TTC14: variants seen among roughly 807,000 people sequenced by gnomAD.
TTC14 encodes the protein tetratricopeptide repeat protein 14.
Under a neutral mutation model 79.9 loss-of-function variants are expected in TTC14, and 63 were observed. The observed-to-expected ratio is 0.79, with a 90% CI of 0.64 to 0.97. The LOEUF (loss-of-function observed/expected upper bound fraction) is 0.97, where lower values mean the gene tolerates loss of function less well. Ranked by LOEUF, TTC14 falls within the 50% of genes least tolerant of loss-of-function variation. The pLI, the probability that TTC14 is intolerant of heterozygous loss-of-function variation, is 0.00. For missense variants in TTC14, 895 were observed against 894.0 expected, an observed-to-expected ratio of 1.00 and a Z score of -0.01; for synonymous variants, 335 against 309.6, an observed-to-expected ratio of 1.08 and a Z score of -0.86.
rs1716775732 is a variant in TTC14 at position 180,607,784 on chromosome 3, T to C, written c.1290+19T>C. 6.3e-7 allele frequency: 1 copy of C among 1,599,370 alleles called. No individual in the cohort carries two copies. The highest frequency in any genetic ancestry group is 1.4e-5 in the African/African-American group (1 of 74,018). On this transcript the variant is annotated intron_variant, in intron 10 of 11. Transcript: ENST00000296015. Reference sequence around the variant, plus strand: ...TATGCAGGTGATTCCTTATTTCCTCTTAGAAATTTAGTGATATTTGAAATA... The same window carrying C: ...TATGCAGGTGATTCCTTATTTCCTCCTAGAAATTTAGTGATATTTGAAATA...
chr3:180,608,508 A>G (rs1036179612), intron 10 of TTC14, 193 bp from the exon 11 acceptor site: 16 of 1,168,346 alleles, frequency 1.4e-5, no homozygotes, highest in Non-Finnish European at 1.6e-5. Context: ...TGTTCTGGCC[A>G]TTTCAATGAC....
chr3:180,615,180 T>A, downstream of TTC14: 3 of 801,182 alleles, frequency 3.7e-6, no homozygotes, highest in Non-Finnish European at 5.7e-6. Flanking sequence ...AGTAAAGACA[T>A]CAAAAAAGTA....
Position 180,603,125 on chromosome 3 carries a change from T to C in TTC14, c.288T>C (p.Asp96=). The C allele has an allele frequency of 6.2e-7, 1 of 1,611,926 alleles. No individual in the cohort carries two copies. The highest frequency in any genetic ancestry group is 8.5e-7 in the Non-Finnish European group (1 of 1,179,466). The part of the protein sequence containing the change: ...ATSEINEDSE[D]HYAIMPPLEQ... ...ATTTTGTTAATTTTTTTTTTTTAGA[T>C]CATTATGCAATCATGCCACCTTTAG... The change falls in exon 3 of 12, where the codon GAT becomes GAC. Residue 96 remains aspartate (D), a splice_region_variant and synonymous_variant. Transcript: ENST00000296015.
chr3:180,616,756 A>G (rs888688224), intron 12 of TTC14: 87 of 1,577,816 alleles, frequency 5.5e-5, no homozygotes, highest in Non-Finnish European at 6.2e-5. Flanking sequence ...AATATTTTTA[A>G]TAGATGAAGG....
At chr3:180,602,758 C>A in intron 1 of TTC14, 133 bp from the exon 2 acceptor site, 1 of 1,144,156 alleles carries the variant, frequency 8.7e-7, no homozygotes, top group Non-Finnish European at 1.2e-6. Flanking sequence ...CTAGTTAAAA[C>A]TTTTTGTCTG....
Position 180,610,298 on chromosome 3 carries a change from A to C in TTC14, c.2069A>C (p.His690Pro). 1 of 1,613,354 alleles carries C rather than the reference A, an allele frequency of 6.2e-7. No individual in the cohort carries two copies. Among genetic ancestry groups the C allele is most frequent in the Non-Finnish European group, 8.5e-7 (1 of 1,179,784 alleles). ...GTTGAGAAATACAAAAAATACGCTC[A>C]CTCTGGATCACGTGATTTCAGTAGA... Reference protein sequence around the residue: ...KSVEKYKKYAHSGSRDFSRHE... With the variant: ...KSVEKYKKYAPSGSRDFSRHE... The change falls in exon 12 of 12, where the codon CAC becomes CCC. Residue 690 changes from histidine (H) to proline (P), a missense_variant. Coordinates refer to ENST00000296015, the MANE Select transcript of TTC14 (RefSeq NM_133462.4).
chr3:180,608,869 T>A lies in TTC14; in HGVS notation c.1400+59T>A, dbSNP rs1716838171. The A allele has an allele frequency of 6.7e-6, 9 of 1,343,130 alleles. No individual in the cohort carries two copies. In the South Asian group the frequency reaches 1.7e-4, roughly 25 times the overall value. 83.2% of individuals were successfully genotyped at this position (1,343,130 alleles called of 1,614,324 possible). A position where few individuals can be genotyped will look rare whatever the true frequency, so the allele number is the denominator to read the frequency against. ...GGCAACTACTGAATTGAACCCAAAGTGCCATACTGGAGGTAAAGTAAATAA... is the reference window on the plus strand; with the variant it reads ...GGCAACTACTGAATTGAACCCAAAGAGCCATACTGGAGGTAAAGTAAATAA... On this transcript the variant is annotated intron_variant, in intron 11 of 11. Transcript: ENST00000296015.
intron 9 of TTC14, 137 bp from the exon 10 acceptor site, chr3:180,607,510 AT>A: frequency 7.8e-6 from 10 of 1,277,878 alleles, no homozygotes; most frequent in Non-Finnish European, 1.0e-5. Context: ...AAAGCATATT[AT>A]TTTGGTATTT....
chr3:180,616,438 C>T, intron 12 of TTC14: 1 of 1,503,708 alleles, frequency 6.7e-7, no homozygotes, highest in East Asian at 2.3e-5. Context: ...AATTAGCTTT[C>T]ACTTCATGAT....
Position 180,602,916 on chromosome 3 carries a change from G to A in TTC14, c.187G>A (p.Glu63Lys). 6.2e-7 allele frequency: 1 copy of A among 1,612,920 alleles called. No individual in the cohort carries two copies. The highest frequency in any genetic ancestry group is 1.1e-5 in the South Asian group (1 of 90,612). ...AAAAGAGAAGAGAGTTGACAACATC[G>A]AGATACAGAAATTCATCTCCAAAAA... The part of the protein sequence containing the change: ...GRKEKRVDNI[E>K]IQKFISKKAD... The change falls in exon 2 of 12, where the codon GAG (glutamate) becomes AAG (lysine). Residue 63 changes from glutamate (E) to lysine (K), a missense_variant. Coordinates refer to ENST00000296015, the MANE Select transcript of TTC14 (RefSeq NM_133462.4).
rs141044571 is a variant in TTC14 at position 180,602,606 on chromosome 3, G to A, written c.161+184G>A. The A allele has an allele frequency of 9.1e-3, 7,583 of 832,222 alleles. 118 individuals carry two copies. The highest frequency in any genetic ancestry group is 0.064 in the East Asian group (2,354 of 36,830). The allele number at this position is 832,222 out of a possible 1,614,324, so 51.6% of individuals were successfully genotyped here. On this transcript the variant is annotated intron_variant, in intron 1 of 11. Coordinates refer to ENST00000296015, the MANE Select transcript of TTC14 (RefSeq NM_133462.4). Reference sequence around the variant, plus strand: ...CCTGGGTTGTGCAATGCGGGATGCGGGCTGAACTTTTTCTCTGGCACTGCT... The same window carrying A: ...CCTGGGTTGTGCAATGCGGGATGCGAGCTGAACTTTTTCTCTGGCACTGCT...
chr3:180,617,340 TTATG>T (rs1302693680), intron 12 of TTC14: 1 of 509,028 alleles, frequency 2.0e-6, no homozygotes, highest in South Asian at 4.0e-5. Flanking sequence ...TATTACTGAT[TTATG>T]TATTTACTAT....
At chr3:180,614,610 G>A (rs935790189), downstream of TTC14, 3 of 243,240 alleles carry the variant, frequency 1.2e-5, no homozygotes, top group Non-Finnish European at 2.4e-5. Context: ...CATTAGAAGT[G>A]AGTGTAGTTT....
downstream of TTC14, among the ~76,000 whole-genome samples, chr3:180,615,840 T>C (rs975799743): frequency 3.3e-5 from 5 of 152,190 alleles, no homozygotes; most frequent in African/African-American, 1.2e-4. Context: ...AAATAAAGCT[T>C]CATAAAGTCA....
Position 180,604,593 on chromosome 3 carries a change from T to C in TTC14, c.687T>C (p.Leu229=). The C allele has an allele frequency of 6.2e-7, 1 of 1,600,440 alleles. No homozygotes were observed. Among genetic ancestry groups the C allele is most frequent in the Non-Finnish European group, 8.5e-7 (1 of 1,176,182 alleles). ...IKLGVISSEE[L]PLYYRRSVEL... ...TAGGTGTAATTAGCTCTGAAGAGCT[T>C]CCTTTATACTACAGGTAATTTATCC... The change falls in exon 5 of 12, where the codon CTT becomes CTC. Residue 229 remains leucine (L), a synonymous_variant. Transcript: ENST00000296015.
chr3:180,603,505 T>A, intron 3 of TTC14, 182 bp downstream of exon 3: 1 of 605,232 alleles, frequency 1.7e-6, no homozygotes, highest in Non-Finnish European at 2.8e-6. Flanking sequence ...CTCCCTCCAT[T>A]TCTGGTTTTT....
chr3:180,615,108 T>G (rs1490404016), downstream of TTC14: 1 of 1,485,468 alleles, frequency 6.7e-7, no homozygotes, highest in Non-Finnish European at 9.0e-7. Context: ...ATAAATTCAA[T>G]GCAAAGTTTA....
In TTC14 at chr3:180,617,394, T is replaced by G. The variant is rs184747241; in HGVS notation, c.1789T>G (p.Phe597Val). 662 of 638,562 alleles carry G rather than the reference T, an allele frequency of 1.0e-3. 6 individuals carry two copies. In the African/African-American group the frequency reaches 0.011, roughly 10 times the overall value. The allele number at this position is 638,562 out of a possible 1,614,324, so 39.6% of individuals were successfully genotyped here. A position where few individuals can be genotyped will look rare whatever the true frequency, so the allele number is the denominator to read the frequency against. The change falls in exon 13 of 13, where the codon TTT (phenylalanine) becomes GTT (valine). Residue 597 changes from phenylalanine (F) to valine (V), a missense_variant. Physicochemically the swap from Phe to Val is conservative, Grantham distance 50 (BLOSUM62 -1). Coordinates refer to the TTC14 transcript ENST00000382584. ...TTATTTTACAGTGTACTCCTATTTA[T>G]TTAAAAAGTTAACTATAAAACAGCC...
intron 9 of TTC14, 110 bp downstream of exon 9, chr3:180,606,713 G>T: frequency 8.0e-7 from 1 of 1,255,774 alleles, no homozygotes; most frequent in South Asian, 1.7e-5. Context: ...AACACTCTTG[G>T]TTTCAATAAA....
Sources: allele counts gnomAD v4.1 joint callset (sites outside exome capture counted in the v4.1 genomes callset), GRCh38; gene constraint gnomAD v4.1.1; transcripts MANE v1.5; gene names NCBI Gene and HGNC (gene_info 2026-07-23, HGNC 2026-07-21).